FAM180A: variants seen among roughly 807,000 people sequenced by gnomAD.
FAM180A encodes family with sequence similarity 180 member A, also known as protein FAM180A.
A neutral mutation model predicts 15.3 loss-of-function variants in FAM180A; 14 were observed. The ratio of observed to expected loss-of-function variants is 0.92; its 90% CI spans 0.61 to 1.43. The LOEUF is 1.43. Among genes scored for constraint, FAM180A ranks in the 40% most tolerant of loss-of-function variants. The pLI, the probability that FAM180A is intolerant of heterozygous loss-of-function variation, is 0.00. For missense variants in FAM180A, 200 were observed against 220.8 expected, an observed-to-expected ratio of 0.91 and a Z score of 0.60; for synonymous variants, 90 against 96.8, an observed-to-expected ratio of 0.93 and a Z score of 0.41.
intron 1 of FAM180A, among the ~76,000 whole-genome samples, chr7:135,738,537 CTTGACAATGCTGTTCCAGTGGTTG>C (rs1188991332): frequency 1.3e-5 from 2 of 152,156 alleles, no homozygotes; most frequent in Non-Finnish European, 2.9e-5. Context: ...AAGTCAGTGA[CTTGACAATGCTGTTCCAGTGGTTG>C]CATGTAGAAA....
intron 2 of FAM180A, among the ~76,000 whole-genome samples, chr7:135,734,747 CTCTT>C (rs1391546661): frequency 2.6e-5 from 4 of 152,302 alleles, no homozygotes; most frequent in Middle Eastern, 3.4e-3. Context: ...AGCTGGGAGA[CTCTT>C]TCTGCATTAG....
Position 135,737,098 on chromosome 7 carries a change from C to T in FAM180A, c.177+1G>A. ...GATTGAGCATGTTCCCCTCTGCCTA[C>T]CTCGTAGAGCAGCTCCACCTCCTCC... On this transcript the variant is annotated splice_donor_variant, in intron 2 of 3. Coordinates refer to ENST00000338588, the MANE Select transcript of FAM180A (RefSeq NM_205855.4). LOFTEE classifies it high-confidence loss of function. 1 of 1,609,362 alleles carries T rather than the reference C, an allele frequency of 6.2e-7. No individual in the cohort carries two copies. Among genetic ancestry groups the T allele is most frequent in the Non-Finnish European group, 8.5e-7 (1 of 1,176,712 alleles).
chr7:135,733,865 T>C lies in FAM180A; in HGVS notation c.*110A>G, dbSNP rs746912101. 1 of 1,441,346 alleles carries C rather than the reference T, an allele frequency of 6.9e-7. No individual in the cohort carries two copies. Among genetic ancestry groups the C allele is most frequent in the Non-Finnish European group, 9.1e-7 (1 of 1,098,532 alleles). The allele number at this position is 1,441,346 out of a possible 1,614,324, so 89.3% of individuals were successfully genotyped here. A position where few individuals can be genotyped will look rare whatever the true frequency, so the allele number is the denominator to read the frequency against. On this transcript the variant is annotated 3_prime_UTR_variant, in exon 3 of 4. Coordinates refer to ENST00000338588, the MANE Select transcript of FAM180A (RefSeq NM_205855.4). ...TTACTGTTTGATCTCTGCTGCTCTG[T>C]GTCAGCGGTAAGAGTTTTGTTGCTG...
chr7:135,739,469 G>A (rs1328860480), intron 1 of FAM180A, among the ~76,000 whole-genome samples: 6 of 151,430 alleles, frequency 4.0e-5, no homozygotes, highest in African/African-American at 9.7e-5. Context: ...AAAATTAGCC[G>A]GGTGTGGTGG....
chr7:135,736,116 G>A (rs905358188), intron 2 of FAM180A, among the ~76,000 whole-genome samples: 2 of 151,412 alleles, frequency 1.3e-5, no homozygotes, highest in Non-Finnish European at 2.9e-5. Flanking sequence ...TCCACCTCCC[G>A]GGTTCCAGTG....
At chr7:135,732,739 A>ACG (rs1796804196) in intron 3 of FAM180A, among the ~76,000 whole-genome samples, 1 of 145,550 alleles carries the variant, frequency 6.9e-6, no homozygotes, top group Non-Finnish European at 1.5e-5. Flanking sequence ...ACACACACAC[A>ACG]CAAGAATGTT....
At chr7:135,735,075 G>A (rs1158913804) in intron 2 of FAM180A, among the ~76,000 whole-genome samples, 3 of 152,074 alleles carry the variant, frequency 2.0e-5, no homozygotes, top group Non-Finnish European at 4.4e-5. Flanking sequence ...CTAGTCTTTT[G>A]TATTTTTATT....
intron 2 of FAM180A, 124 bp from the exon 3 acceptor site, chr7:135,734,443 T>A: frequency 1.1e-6 from 1 of 876,646 alleles, no homozygotes; most frequent in Non-Finnish European, 1.7e-6. Context: ...TCAAGAGAGT[T>A]CCAGTTCTGA....
chr7:135,739,215 C>T (rs1210867281), intron 1 of FAM180A, among the ~76,000 whole-genome samples: 1 of 147,868 alleles, frequency 6.8e-6, no homozygotes, highest in African/African-American at 2.5e-5. Flanking sequence ...GAGGCTGAGG[C>T]AGGAGAATTG....
intron 1 of FAM180A, among the ~76,000 whole-genome samples, chr7:135,741,528 A>G (rs1796949624): frequency 6.6e-6 from 1 of 151,970 alleles, no homozygotes; most frequent in Non-Finnish European, 1.5e-5. Context: ...AAAAAAAAAA[A>G]AAATGTAAGT....
At chr7:135,735,315 A>G (rs1296482463) in intron 2 of FAM180A, among the ~76,000 whole-genome samples, 2 of 152,200 alleles carry the variant, frequency 1.3e-5, no homozygotes, top group Non-Finnish European at 2.9e-5. Flanking sequence ...CTTTATATTT[A>G]CTATAGGACC....
Position 135,737,130 on chromosome 7 carries a change from G to T in FAM180A, c.146C>A (p.Thr49Asn), listed in dbSNP as rs370913547. ...GAGCAGCTCCACCTCCTCCAGGGAG[G>T]TCTGCAGGACTGGGTTCAATGGCAG... is the stretch of plus-strand genomic sequence containing the variant. Reference protein sequence around the residue: ...SSLPLNPVLQTSLEEVELLYE... With the variant: ...SSLPLNPVLQNSLEEVELLYE... The change falls in exon 2 of 4, where the codon ACC (threonine) becomes AAC (asparagine). Residue 49 changes from threonine (T) to asparagine (N), a missense_variant. Coordinates refer to ENST00000338588, the MANE Select transcript of FAM180A (RefSeq NM_205855.4). The T allele has an allele frequency of 6.0e-5, 97 of 1,613,370 alleles. No homozygotes were observed. Among genetic ancestry groups the T allele is most frequent in the Non-Finnish European group, 8.0e-5 (94 of 1,179,658 alleles).
intron 1 of FAM180A, among the ~76,000 whole-genome samples, chr7:135,744,976 C>T (rs1010202887): frequency 2.0e-5 from 3 of 152,078 alleles, no homozygotes; most frequent in African/African-American, 4.8e-5. Context: ...CTCTCTGCAT[C>T]GTTGACCTCC....
intron 1 of FAM180A, among the ~76,000 whole-genome samples, chr7:135,740,182 A>G (rs2129496117): frequency 6.6e-6 from 1 of 152,320 alleles, no homozygotes; most frequent in East Asian, 1.9e-4. Flanking sequence ...CAGGAGAGTG[A>G]GGTGTCTGTG....
At chr7:135,734,349 T>C (rs1796841481) in intron 2 of FAM180A, 30 bp from the exon 3 acceptor site, 7 of 1,556,094 alleles carry the variant, frequency 4.5e-6, no homozygotes, top group South Asian at 3.7e-5. Flanking sequence ...TGCAAAAATA[T>C]GAAGTGAGGC....
intron 1 of FAM180A, among the ~76,000 whole-genome samples, chr7:135,745,751 G>A (rs960455597): frequency 2.6e-5 from 4 of 151,838 alleles, no homozygotes; most frequent in Admixed American, 2.6e-4. Flanking sequence ...AGGAGGGTGG[G>A]AGGATGGACA....
chr7:135,744,392 C>T (rs1029179076), intron 1 of FAM180A, among the ~76,000 whole-genome samples: 5 of 152,288 alleles, frequency 3.3e-5, no homozygotes, highest in East Asian at 3.9e-4. Context: ...TGAAGCAACT[C>T]GATGGAAAGG....
rs374456834 is a variant in FAM180A at position 135,748,612 on chromosome 7, C to T, written c.-32G>A. ...CTTCAAAAGGTGAAAAATCGACCCT[C>T]AAGCCCAGTGGAACCCCAGTAGCTG... On this transcript the variant is annotated 5_prime_UTR_variant, in exon 1 of 4. Transcript: ENST00000338588. 3.4e-5 allele frequency: 53 copies of T among 1,576,772 alleles called. No individual in the cohort carries two copies. Among genetic ancestry groups the T allele is most frequent in the Non-Finnish European group, 4.4e-5 (51 of 1,146,190 alleles).
chr7:135,748,645 G>T lies in FAM180A; in HGVS notation c.-65C>A. On this transcript the variant is annotated 5_prime_UTR_variant, in exon 1 of 4. Transcript: ENST00000338588. The stretch of plus-strand genomic sequence containing the variant: ...GTGGAACCCCAGTAGCTGCAGGTAT[G>T]CCCGTGCCGTTCTTCCCAGTGAGAT... 7.9e-7 allele frequency: 1 copy of T among 1,263,666 alleles called. No homozygotes were observed. The highest frequency in any genetic ancestry group is 1.2e-6 in the Non-Finnish European group (1 of 861,642). 78.3% of individuals were successfully genotyped at this position (1,263,666 alleles called of 1,614,324 possible). A position where few individuals can be genotyped will look rare whatever the true frequency, so the allele number is the denominator to read the frequency against.
Sources: gnomAD v4.1 joint callset for allele counts (sites outside exome capture counted in the v4.1 genomes callset) on GRCh38, gnomAD v4.1.1 for gene constraint, MANE v1.5 for transcripts, NCBI Gene and HGNC (gene_info 2026-07-23, HGNC 2026-07-21) for gene names.